The following TRIM11 variants were observed in gnomAD, a reference collection of about 807,000 sequenced individuals.
TRIM11 encodes tripartite motif containing 11, also known as E3 ubiquitin-protein ligase TRIM11.
Under a neutral mutation model 33.4 loss-of-function variants are expected in TRIM11, and 15 were observed. That is an observed-to-expected ratio of 0.45 (90% CI 0.30 to 0.69). TRIM11 has a LOEUF of 0.69. Ranked by LOEUF, TRIM11 falls within the 30% of genes least tolerant of loss-of-function variation. The probability of loss-of-function intolerance (pLI) is 0.08; values close to 1 mark genes in which losing one functional copy is unlikely to be tolerated. For missense variants in TRIM11, 499 were observed against 667.6 expected (o/e 0.75, Z 2.78); for synonymous variants, 281 against 302.6 (o/e 0.93, Z 0.74).
Position 228,394,475 on chromosome 1 carries a change from C to T in TRIM11, c.*230G>A. ...TAAGGGCTGTTGGCATTAAGTGGCA[C>T]CCGGTGGCTGGAGGGGTCTCCCAGG... is the stretch of plus-strand genomic sequence containing the variant. On this transcript the variant is annotated 3_prime_UTR_variant, in exon 6 of 6. Transcript: ENST00000284551. This position sits in a 1 kb window ranked among gnomAD's most constrained non-coding sequence, Gnocchi z 6.2. 1.8e-6 allele frequency: 1 copy of T among 547,952 alleles called. No homozygotes were observed. The highest frequency in any genetic ancestry group is 3.2e-6 in the Non-Finnish European group (1 of 316,640). The allele number at this position is 547,952 out of a possible 1,614,324, so 33.9% of individuals were successfully genotyped here.
chr1:228,396,852 G>T lies in TRIM11; in HGVS notation c.859+95C>A, dbSNP rs142069655. The T allele has an allele frequency of 3.8e-4, 426 of 1,134,322 alleles. 4 individuals carry two copies. The East Asian group carries it at 9.2e-3, about 24-fold the overall frequency. 70.3% of individuals were successfully genotyped at this position (1,134,322 alleles called of 1,614,324 possible). On this transcript the variant is annotated intron_variant, in intron 5 of 5. Coordinates refer to ENST00000284551, the MANE Select transcript of TRIM11 (RefSeq NM_145214.3). ...ACCATGACACTGTGAGTTTGGAGCT[G>T]GCAGTGGCAGGGCACAGAACACGTG...
chr1:228,398,637 A>C (rs2075005880), intron 3 of TRIM11, among the ~76,000 whole-genome samples: 1 of 152,108 alleles, frequency 6.6e-6, no homozygotes. Flanking sequence ...ATAAATAAAT[A>C]AATAAAGAGG....
chr1:228,398,358 A>C (rs568937110), intron 3 of TRIM11, among the ~76,000 whole-genome samples: 28 of 152,266 alleles, frequency 1.8e-4, no homozygotes, highest in African/African-American at 6.3e-4. Flanking sequence ...AATTTTTTAA[A>C]AAGGAGGCCA....
In TRIM11 at chr1:228,406,743, T is replaced by C. The variant is rs538464554; in HGVS notation, c.-182A>G. ...GCGGGGACTCCAGGGCGCAGGACTC[T>C]GGGTTTCGGTAGCGCTGGGCGCGTA... is the stretch of plus-strand genomic sequence containing the variant. On this transcript the variant is annotated 5_prime_UTR_variant, in exon 1 of 6. Transcript: ENST00000284551. This position sits in a 1 kb window ranked among gnomAD's most constrained non-coding sequence, Gnocchi z 8.2. 53 of 457,410 alleles carry C rather than the reference T, an allele frequency of 1.2e-4. No homozygotes were observed. The East Asian group carries it at 2.0e-3, about 17-fold the overall frequency. 28.3% of individuals were successfully genotyped at this position (457,410 alleles called of 1,614,324 possible).
At chr1:228,397,372 A>G in intron 3 of TRIM11, 1 of 625,002 alleles carries the variant, frequency 1.6e-6, no homozygotes, top group South Asian at 2.1e-5. Flanking sequence ...GTGTGCCAGG[A>G]GGCATCACCA....
rs896280968 is a variant in TRIM11 at position 228,400,060 on chromosome 1, A to G, written c.735+904T>C. ...CCACATCTGCAGCATTGTGGGCTCC[A>G]CCTGGGTCTGGCAGCCCTGCCCCAC... is the stretch of plus-strand genomic sequence containing the variant. On this transcript the variant is annotated intron_variant, in intron 3 of 5. Coordinates refer to ENST00000284551, the MANE Select transcript of TRIM11 (RefSeq NM_145214.3). The surrounding 1 kb of genome is among the most constrained non-coding windows in gnomAD (Gnocchi z 4.5). Among the ~76,000 whole-genome samples, 22 of 152,146 alleles carry G rather than the reference A, an allele frequency of 1.4e-4. No homozygotes were observed. The highest frequency in any genetic ancestry group is 5.3e-4 in the African/African-American group (22 of 41,432).
chr1:228,401,990 C>T lies in TRIM11; in HGVS notation c.504+76G>A, dbSNP rs745379178. 4 of 1,231,472 alleles carry T rather than the reference C, an allele frequency of 3.2e-6. No individual in the cohort carries two copies. The highest frequency in any genetic ancestry group is 1.5e-5 in the South Asian group (1 of 66,118). The allele number at this position is 1,231,472 out of a possible 1,614,324, so 76.3% of individuals were successfully genotyped here. On this transcript the variant is annotated intron_variant, in intron 2 of 5. Transcript: ENST00000284551. The surrounding 1 kb of genome is among the most constrained non-coding windows in gnomAD (Gnocchi z 6.1). The stretch of plus-strand genomic sequence containing the variant: ...AAGGGCAAGTGTGCCTGGCCAGCAT[C>T]GCCCCCTGGGGTCTCCTATACAGGA...
intron 3 of TRIM11, among the ~76,000 whole-genome samples, chr1:228,398,953 G>A (rs2075008403): frequency 6.6e-6 from 1 of 152,090 alleles, no homozygotes; most frequent in South Asian, 2.1e-4. Context: ...GGGCCCTCCA[G>A]GGGCAGCATT....
chr1:228,397,590 C>T (rs997867983), intron 3 of TRIM11: 5 of 187,554 alleles, frequency 2.7e-5, no homozygotes, highest in Non-Finnish European at 5.5e-5. Context: ...CTTCCTCTCC[C>T]AGCTCCACCT....
chr1:228,397,236 C>G (rs756695516), intron 3 of TRIM11, 71 bp from the exon 4 acceptor site: 34 of 1,552,532 alleles, frequency 2.2e-5, no homozygotes, highest in African/African-American at 4.1e-5. Context: ...CCCTCCCCGC[C>G]CCTGGAGCCT....
intron 1 of TRIM11, chr1:228,404,265 T>C (rs1347580791): frequency 1.3e-5 from 2 of 152,364 alleles, no homozygotes; most frequent in African/African-American, 4.8e-5. Context: ...CCCATGGTGC[T>C]GCTTCCTGGA....
chr1:228,400,175 C>T lies in TRIM11; in HGVS notation c.735+789G>A, dbSNP rs1656137633. ...CATTTCCCTCTGAATCTTGGGGCCCCTTGAGTCTACACCATGCTGGGCATG... is the reference window on the plus strand; with the variant it reads ...CATTTCCCTCTGAATCTTGGGGCCCTTTGAGTCTACACCATGCTGGGCATG... On this transcript the variant is annotated intron_variant, in intron 3 of 5. Transcript: ENST00000284551. This position sits in a 1 kb window ranked among gnomAD's most constrained non-coding sequence, Gnocchi z 4.5. Among the ~76,000 whole-genome samples, 1 of 152,208 alleles carries T rather than the reference C, an allele frequency of 6.6e-6. No individual in the cohort carries two copies. Among genetic ancestry groups the T allele is most frequent in the South Asian group, 2.1e-4 (1 of 4,836 alleles).
In TRIM11 at chr1:228,394,508, G is replaced by A. The variant is rs2074960026; in HGVS notation, c.*197C>T. On this transcript the variant is annotated 3_prime_UTR_variant, in exon 6 of 6. Transcript: ENST00000284551. The surrounding 1 kb of genome is among the most constrained non-coding windows in gnomAD (Gnocchi z 6.2). ...CTGGAGGGGTCTCCCAGGGAGGACG[G>A]AGCCTGCCCCACACTCTCCCACAGT... 2.2e-5 allele frequency: 14 copies of A among 632,160 alleles called. No homozygotes were observed. In the East Asian group the frequency reaches 4.1e-4, roughly 18 times the overall value. The allele number at this position is 632,160 out of a possible 1,614,324, so 39.2% of individuals were successfully genotyped here.
Position 228,394,451 on chromosome 1 carries a change from A to G in TRIM11, c.*254T>C, listed in dbSNP as rs2074959625. ...GGGCAATGGGGCTCCCAGCTTTGGT[A>G]AGGGCTGTTGGCATTAAGTGGCACC... On this transcript the variant is annotated 3_prime_UTR_variant, in exon 6 of 6. Coordinates refer to ENST00000284551, the MANE Select transcript of TRIM11 (RefSeq NM_145214.3). This position sits in a 1 kb window ranked among gnomAD's most constrained non-coding sequence, Gnocchi z 6.2. 8 of 493,116 alleles carry G rather than the reference A, an allele frequency of 1.6e-5. 1 individual carries two copies. In the East Asian group the frequency reaches 2.3e-4, roughly 14 times the overall value. The allele number at this position is 493,116 out of a possible 1,614,324, so 30.5% of individuals were successfully genotyped here. A position where few individuals can be genotyped will look rare whatever the true frequency, so the allele number is the denominator to read the frequency against.
intron 5 of TRIM11, 39 bp downstream of exon 5, chr1:228,396,908 T>G: frequency 6.3e-7 from 1 of 1,598,884 alleles, no homozygotes; most frequent in South Asian, 1.1e-5. Context: ...GCAGGTCCCC[T>G]CCTGGAGTCA....
chr1:228,406,083 T>TGC lies in TRIM11; in HGVS notation c.408+70_408+71insGC. On this transcript the variant is annotated intron_variant, in intron 1 of 5. Coordinates refer to ENST00000284551, the MANE Select transcript of TRIM11 (RefSeq NM_145214.3). The surrounding 1 kb of genome is among the most constrained non-coding windows in gnomAD (Gnocchi z 8.2). ...TACTCCCGGAGCAGTCCCCCAAACC[T>TGC]CCCACCCGCCCAGGCCTCCCCAGTC... 7.6e-6 allele frequency: 7 copies of TGC among 917,852 alleles called. No individual in the cohort carries two copies. Among genetic ancestry groups the TGC allele is most frequent in the Non-Finnish European group, 8.8e-6 (6 of 683,082 alleles). The allele number at this position is 917,852 out of a possible 1,614,324, so 56.9% of individuals were successfully genotyped here.
At position 228,395,460 on chromosome 1, in the gene TRIM11, ATGTCCTACAAATT is replaced by A. The variant is rs2074976438; in HGVS notation, c.860-221_860-209del. 1 of 425,036 alleles carries A rather than the reference ATGTCCTACAAATT, an allele frequency of 2.4e-6. No individual in the cohort carries two copies. The highest frequency in any genetic ancestry group is 4.0e-6 in the Non-Finnish European group (1 of 250,028). 26.3% of individuals were successfully genotyped at this position (425,036 alleles called of 1,614,324 possible). ...TAGCTACGTCCAGTTGCAACTTACA[ATGTCCTACAAATT>A]GGTCCATGTTTTGCCTTCAGATATC... is the stretch of plus-strand genomic sequence containing the variant. On this transcript the variant is annotated intron_variant, in intron 5 of 5. Transcript: ENST00000284551. This position sits in a 1 kb window ranked among gnomAD's most constrained non-coding sequence, Gnocchi z 4.8.
chr1:228,396,147 G>C (rs1007140768), intron 5 of TRIM11: 1 of 156,032 alleles, frequency 6.4e-6, no homozygotes, highest in Admixed American at 6.2e-5. Flanking sequence ...AGTGGCTGAG[G>C]TGGGGACCTG....
chr1:228,406,094 CAGG>C lies in TRIM11; in HGVS notation c.408+57_408+59del. ...CAGTCCCCCAAACCTCCCACCCGCC[CAGG>C]CCTCCCCAGTCCCCGGCTCCCCGAC... On this transcript the variant is annotated intron_variant, in intron 1 of 5. Coordinates refer to ENST00000284551, the MANE Select transcript of TRIM11 (RefSeq NM_145214.3). The surrounding 1 kb of genome is among the most constrained non-coding windows in gnomAD (Gnocchi z 8.2). 1.1e-4 allele frequency: 144 copies of C among 1,310,872 alleles called. No homozygotes were observed. Among genetic ancestry groups the C allele is most frequent in the Non-Finnish European group, 1.3e-4 (134 of 1,025,206 alleles). 81.2% of individuals were successfully genotyped at this position (1,310,872 alleles called of 1,614,324 possible). A position where few individuals can be genotyped will look rare whatever the true frequency, so the allele number is the denominator to read the frequency against.
Sources: allele counts gnomAD v4.1 joint callset (sites outside exome capture counted in the v4.1 genomes callset), GRCh38; gene constraint gnomAD v4.1.1; non-coding constraint Gnocchi (gnomAD v3.1); transcripts MANE v1.5; gene names NCBI Gene and HGNC (gene_info 2026-07-23, HGNC 2026-07-21).